PPARD: variants seen among roughly 807,000 people sequenced by gnomAD.
PPARD encodes the protein peroxisome proliferator-activated receptor delta.
In PPARD, 6 loss-of-function variants were observed where a neutral mutation model predicts 39.5. That is an observed-to-expected ratio of 0.15 (90% CI 0.08 to 0.30). The LOEUF is 0.30. Ranked by LOEUF, PPARD falls within the 10% of genes least tolerant of loss-of-function variation. PPARD has a pLI of 1.00. For missense variants in PPARD, 397 were observed against 596.8 expected (o/e 0.67, Z 3.49); for synonymous variants, 210 against 231.3 (o/e 0.91, Z 0.83).
At chr6:35,403,778 C>T (rs9658126) in intron 2 of PPARD, among the ~76,000 whole-genome samples, 4,270 of 151,702 alleles carry the variant, frequency 0.028, 140 homozygotes, top group African/African-American at 0.068. Flanking sequence ...GAGAGCTTCC[C>T]GGAAGAGGAG....
At chr6:35,373,279 G>A (rs1400820750) in intron 2 of PPARD, among the ~76,000 whole-genome samples, 8 of 152,196 alleles carry the variant, frequency 5.3e-5, no homozygotes, top group Admixed American at 5.2e-4. Flanking sequence ...ATGTCTTATA[G>A]AGTAATCGGG....
intron 2 of PPARD, chr6:35,348,238 T>TGCC: frequency 1.6e-6 from 1 of 633,694 alleles, no homozygotes; most frequent in Non-Finnish European, 2.0e-6. Context: ...GCCAACTATG[T>TGCC]GCCAGGCACT....
chr6:35,385,779 ACAGT>A (rs925730315), intron 2 of PPARD, among the ~76,000 whole-genome samples: 1 of 151,926 alleles, frequency 6.6e-6, no homozygotes, highest in South Asian at 2.1e-4. Flanking sequence ...TGGTATTTAG[ACAGT>A]CAGCAGGAGA....
chr6:35,357,644 C>T (rs1011884802), intron 2 of PPARD, among the ~76,000 whole-genome samples: 2 of 151,844 alleles, frequency 1.3e-5, no homozygotes, highest in Non-Finnish European at 1.5e-5. Context: ...TCAAGCAATT[C>T]TCCTACCTCA....
At chr6:35,374,817 C>T (rs1335473864) in intron 2 of PPARD, among the ~76,000 whole-genome samples, 1 of 152,156 alleles carries the variant, frequency 6.6e-6, no homozygotes, top group Non-Finnish European at 1.5e-5. Flanking sequence ...CAGACTTGCT[C>T]TTCTTCCCAC....
chr6:35,407,040 G>A (rs73413744), intron 2 of PPARD, among the ~76,000 whole-genome samples: 44 of 152,282 alleles, frequency 2.9e-4, no homozygotes, highest in African/African-American at 1.0e-3. Flanking sequence ...GGAGCGTGAC[G>A]CATAGTGGGA....
chr6:35,426,385 TTC>T lies in PPARD; in HGVS notation c.*313_*314del, dbSNP rs1172403940. The T allele has an allele frequency of 1.6e-5, 7 of 441,930 alleles. No individual in the cohort carries two copies. Among genetic ancestry groups the T allele is most frequent in the Non-Finnish European group, 2.1e-5 (5 of 242,958 alleles). 27.4% of individuals were successfully genotyped at this position (441,930 alleles called of 1,614,324 possible). On this transcript the variant is annotated 3_prime_UTR_variant, in exon 8 of 8. Transcript: ENST00000360694. Reference sequence around the variant, plus strand: ...TCTTCCCTTCTCCCTTGCCCTCCCTTTCTCTCTCCACCCCCCACGTCTGTCCT... The same window carrying T: ...TCTTCCCTTCTCCCTTGCCCTCCCTTTCTCTCCACCCCCCACGTCTGTCCT...
Position 35,425,648 on chromosome 6 carries a change from G to T in PPARD, c.1079-184G>T, listed in dbSNP as rs913984758. ...GGGGACAAATTGGCAAAAAACAAAA[G>T]AAGTGGATTAAGACCAGGGGTAGGG... On this transcript the variant is annotated intron_variant, in intron 7 of 7. Transcript: ENST00000360694. The surrounding 1 kb of genome is among the most constrained non-coding windows in gnomAD (Gnocchi z 4.5). 6.6e-6 allele frequency among the ~76,000 whole-genome samples: 1 copy of T among 152,212 alleles called. No individual in the cohort carries two copies. Among genetic ancestry groups the T allele is most frequent in the Non-Finnish European group, 1.5e-5 (1 of 68,044 alleles).
intron 2 of PPARD, among the ~76,000 whole-genome samples, chr6:35,376,836 C>T (rs775944359): frequency 2.3e-4 from 35 of 151,694 alleles, no homozygotes; most frequent in Non-Finnish European, 3.8e-4. Context: ...CTGGCTAACG[C>T]GGTGAAACCC....
At chr6:35,348,867 G>C in intron 2 of PPARD, 1 of 985,396 alleles carries the variant, frequency 1.0e-6, no homozygotes, top group Non-Finnish European at 1.2e-6. Flanking sequence ...CCTCCTGAGC[G>C]GGGAGAGCTA....
At chr6:35,353,156 T>C (rs1377519642) in intron 2 of PPARD, among the ~76,000 whole-genome samples, 1 of 152,224 alleles carries the variant, frequency 6.6e-6, no homozygotes, top group Admixed American at 6.5e-5. Flanking sequence ...ATGGAGGACA[T>C]TGAATGCTAG....
intron 2 of PPARD, among the ~76,000 whole-genome samples, chr6:35,359,507 G>C (rs748556961): frequency 6.6e-6 from 1 of 152,092 alleles, no homozygotes; most frequent in Non-Finnish European, 1.5e-5. Flanking sequence ...CATTCACCGC[G>C]TAGTTCTGGG....
At position 35,347,977 on chromosome 6, in the gene PPARD, G is replaced by A. The variant is rs561242048; in HGVS notation, c.-102+827G>A. Among the ~76,000 whole-genome samples, 17 of 148,916 alleles carry A rather than the reference G, an allele frequency of 1.1e-4. No homozygotes were observed. The East Asian group carries it at 2.0e-3, about 17-fold the overall frequency. On this transcript the variant is annotated intron_variant, in intron 2 of 7. Coordinates refer to ENST00000360694, the MANE Select transcript of PPARD (RefSeq NM_006238.5). ...GGCTGGAGTGCAATGCCGTGATCTC[G>A]GCTCACTGCAACCTCCGCCTCTTAG...
intron 3 of PPARD, among the ~76,000 whole-genome samples, chr6:35,417,882 G>A (rs1483760678): frequency 1.3e-5 from 2 of 152,244 alleles, no homozygotes; most frequent in African/African-American, 2.4e-5. Context: ...TCTAGGTCCT[G>A]TCCTGCATAT....
chr6:35,366,259 A>G lies in PPARD; in HGVS notation c.-102+19109A>G, dbSNP rs1054095411. Among the ~76,000 whole-genome samples the G allele has an allele frequency of 3.3e-5, 5 of 151,738 alleles. No individual in the cohort carries two copies. The highest frequency in any genetic ancestry group is 1.2e-4 in the African/African-American group (5 of 40,980). On this transcript the variant is annotated intron_variant, in intron 2 of 7. Transcript: ENST00000360694. This position sits in a 1 kb window ranked among gnomAD's most constrained non-coding sequence, Gnocchi z 4.6. ...TGTTGCCAGCCATTTTAGAAGGCTG[A>G]CTCTAATAGCAAGTTGCAGTAAGGA... is the stretch of plus-strand genomic sequence containing the variant.
intron 3 of PPARD, among the ~76,000 whole-genome samples, chr6:35,418,710 CA>C (rs55749270): frequency 0.86 from 130,705 of 152,156 alleles, 56,301 homozygotes; most frequent in African/African-American, 0.89. Context: ...GGAACAGTTA[CA>C]ACACCTTGGA....
At chr6:35,362,008 C>T (rs955550774) in intron 2 of PPARD, among the ~76,000 whole-genome samples, 5 of 152,206 alleles carry the variant, frequency 3.3e-5, no homozygotes, top group Non-Finnish European at 7.4e-5. Flanking sequence ...ATAAATAATG[C>T]TCATTCGTTA....
At chr6:35,381,357 A>G (rs1006730341) in intron 2 of PPARD, among the ~76,000 whole-genome samples, 3 of 152,194 alleles carry the variant, frequency 2.0e-5, no homozygotes, top group African/African-American at 7.2e-5. Flanking sequence ...AACTAAATTT[A>G]ATTGGTTTAC....
chr6:35,417,695 C>A (rs1353648520), intron 3 of PPARD, among the ~76,000 whole-genome samples: 1 of 152,246 alleles, frequency 6.6e-6, no homozygotes, highest in East Asian at 1.9e-4. Flanking sequence ...CCACGCCCAG[C>A]TAATTTTTGT....
Sources: gnomAD v4.1 joint callset for allele counts (sites outside exome capture counted in the v4.1 genomes callset) on GRCh38, gnomAD v4.1.1 for gene constraint, Gnocchi (gnomAD v3.1) non-coding constraint, MANE v1.5 for transcripts, NCBI Gene and HGNC (gene_info 2026-07-23, HGNC 2026-07-21) for gene names.